The following ITGA9 variants were observed in gnomAD, a reference collection of about 807,000 sequenced individuals.
The protein encoded by ITGA9 is integrin subunit alpha 9.
Under a neutral mutation model 127.8 loss-of-function variants are expected in ITGA9, and 56 were observed. The ratio of observed to expected loss-of-function variants is 0.44; its 90% confidence interval spans 0.35 to 0.55. The LOEUF is 0.55. Among genes scored for constraint, ITGA9 ranks in the 20% least tolerant of loss-of-function variants. The pLI, the probability that ITGA9 is intolerant of heterozygous loss-of-function variation, is 0.00. For missense variants in ITGA9, 1,196 were observed against 1,347.1 expected (o/e 0.89, Z 1.76); for synonymous variants, 508 against 514.5 (o/e 0.99, Z 0.17).
At chr3:37,611,170 A>G (rs1254776673) in intron 15 of ITGA9, among the ~76,000 whole-genome samples, 2 of 152,178 alleles carry the variant, frequency 1.3e-5, no homozygotes, top group Non-Finnish European at 2.9e-5. Context: ...GTGCCTTCCT[A>G]TTGGCTGAAT....
intron 26 of ITGA9, among the ~76,000 whole-genome samples, chr3:37,791,668 C>A (rs1397399134): frequency 6.6e-6 from 1 of 152,154 alleles, no homozygotes; most frequent in Non-Finnish European, 1.5e-5. Flanking sequence ...CATGAAGCTC[C>A]TAGAAGAAGG....
chr3:37,582,641 G>A (rs559214270), intron 15 of ITGA9, among the ~76,000 whole-genome samples: 88 of 152,240 alleles, frequency 5.8e-4, no homozygotes, highest in Middle Eastern at 3.4e-3. Context: ...TGGAGTGGTG[G>A]GGGTAGACTA....
At chr3:37,711,230 C>G (rs2125678700) in intron 18 of ITGA9, among the ~76,000 whole-genome samples, 1 of 152,280 alleles carries the variant, frequency 6.6e-6, no homozygotes, top group South Asian at 2.1e-4. Context: ...TTTGTACCTG[C>G]TGTTGGCAGG....
chr3:37,453,231 C>T (rs1350159612), intron 1 of ITGA9, among the ~76,000 whole-genome samples: 2 of 151,484 alleles, frequency 1.3e-5, no homozygotes, highest in Non-Finnish European at 2.9e-5. Flanking sequence ...GCCGGTGGGG[C>T]AGGTAGTTAT....
At chr3:37,770,501 C>G (rs2685100) in intron 23 of ITGA9, among the ~76,000 whole-genome samples, 1 of 151,926 alleles carries the variant, frequency 6.6e-6, no homozygotes, top group Non-Finnish European at 1.5e-5. Context: ...AAGTGCCTGA[C>G]TGAGCCTACA....
chr3:37,458,540 T>A (rs1259454932), intron 1 of ITGA9, among the ~76,000 whole-genome samples: 1 of 152,188 alleles, frequency 6.6e-6, no homozygotes, highest in Non-Finnish European at 1.5e-5. Context: ...TCAGCTGGAA[T>A]CCTGCAGCAG....
chr3:37,538,003 G>A (rs1000126094), intron 14 of ITGA9, among the ~76,000 whole-genome samples: 2 of 152,162 alleles, frequency 1.3e-5, no homozygotes, highest in African/African-American at 2.4e-5. Flanking sequence ...ACCCGTGGAC[G>A]GTGCTTGTAC....
intron 15 of ITGA9, among the ~76,000 whole-genome samples, chr3:37,583,059 C>G (rs931396928): frequency 8.5e-5 from 13 of 152,318 alleles, no homozygotes; most frequent in African/African-American, 3.1e-4. Context: ...CTGAGTCTTC[C>G]TCACCGTCCC....
chr3:37,495,444 A>G (rs1465224519), intron 5 of ITGA9, among the ~76,000 whole-genome samples: 2 of 152,152 alleles, frequency 1.3e-5, no homozygotes, highest in Non-Finnish European at 2.9e-5. Flanking sequence ...TCCTCTCTCA[A>G]ACACTTTCAT....
chr3:37,605,429 A>G (rs1699959021), intron 15 of ITGA9, among the ~76,000 whole-genome samples: 1 of 152,162 alleles, frequency 6.6e-6, no homozygotes, highest in Non-Finnish European at 1.5e-5. Context: ...GGAAAGGAGC[A>G]GGAGAGCAAG....
At chr3:37,726,659 C>G (rs1031890102) in intron 18 of ITGA9, among the ~76,000 whole-genome samples, 2 of 152,226 alleles carry the variant, frequency 1.3e-5, no homozygotes, top group African/African-American at 2.4e-5. Context: ...TTTGCCAAGA[C>G]AAGCATCTCT....
chr3:37,732,652 C>A (rs1386956614), intron 18 of ITGA9, 60 bp from the exon 19 acceptor site: 2 of 1,316,440 alleles, frequency 1.5e-6, no homozygotes, highest in Non-Finnish European at 1.1e-6. Flanking sequence ...CCCGTGGAGC[C>A]TGCTCCCACA....
At chr3:37,686,930 G>T (rs954352398) in intron 18 of ITGA9, among the ~76,000 whole-genome samples, 1 of 152,150 alleles carries the variant, frequency 6.6e-6, no homozygotes, top group Admixed American at 6.5e-5. Flanking sequence ...GGCTAGTGAG[G>T]GGCACCAGGA....
chr3:37,576,169 C>G (rs1435719964), intron 15 of ITGA9, among the ~76,000 whole-genome samples: 1 of 152,200 alleles, frequency 6.6e-6, no homozygotes, highest in Non-Finnish European at 1.5e-5. Context: ...GGGCGTCATC[C>G]TCCAGGGAGG....
At chr3:37,485,520 C>T (rs897422828) in intron 4 of ITGA9, among the ~76,000 whole-genome samples, 4 of 151,992 alleles carry the variant, frequency 2.6e-5, no homozygotes, top group East Asian at 1.9e-4. Context: ...GAGGAGCTCC[C>T]GAGAAAACTC....
At chr3:37,520,764 G>A (rs1362811056) in intron 11 of ITGA9, among the ~76,000 whole-genome samples, 2 of 152,190 alleles carry the variant, frequency 1.3e-5, no homozygotes, top group African/African-American at 4.8e-5. Flanking sequence ...CCTAGGCTGC[G>A]GCAGGGATGC....
intron 26 of ITGA9, among the ~76,000 whole-genome samples, chr3:37,785,603 A>G (rs1323017220): frequency 6.6e-6 from 1 of 152,108 alleles, no homozygotes; most frequent in Non-Finnish European, 1.5e-5. Context: ...CCTCCAGAGT[A>G]GCTAGGACTA....
intron 17 of ITGA9, among the ~76,000 whole-genome samples, chr3:37,677,112 A>G (rs912783800): frequency 1.1e-4 from 16 of 152,054 alleles, no homozygotes; most frequent in Non-Finnish European, 8.8e-5. Context: ...TATCAACTTC[A>G]TGGTTTATTT....
At chr3:37,658,945 T>G (rs1700505124) in intron 17 of ITGA9, among the ~76,000 whole-genome samples, 1 of 152,240 alleles carries the variant, frequency 6.6e-6, no homozygotes, top group African/African-American at 2.4e-5. Context: ...TTATGAAGCT[T>G]AGTTTGGCTG....
Sources: allele counts gnomAD v4.1 joint callset (sites outside exome capture counted in the v4.1 genomes callset), GRCh38; gene constraint gnomAD v4.1.1; transcripts MANE v1.5; gene names NCBI Gene and HGNC (gene_info 2026-07-23, HGNC 2026-07-21).